The following DCLK1 variants were observed in gnomAD, a reference collection of about 807,000 sequenced individuals.
DCLK1 encodes the protein doublecortin like kinase 1, also known as serine/threonine-protein kinase DCLK1.
In DCLK1, 16 loss-of-function variants were observed where a neutral mutation model predicts 86.2. The observed-to-expected ratio is 0.19, with a 90% CI of 0.13 to 0.28. The LOEUF (loss-of-function observed/expected upper bound fraction) is 0.28, where lower values mean the gene tolerates loss of function less well. DCLK1 is among the 10% of genes least tolerant of loss of function. The pLI is 1.00. For missense variants in DCLK1, 590 were observed against 940.2 expected (o/e 0.63, Z 4.87); for synonymous variants, 369 against 370.5 (o/e 1.00, Z 0.05).
At chr13:36,000,075 C>T (rs1180031637) in intron 3 of DCLK1, among the ~76,000 whole-genome samples, 1 of 152,158 alleles carries the variant, frequency 6.6e-6, no homozygotes, top group Non-Finnish European at 1.5e-5. Context: ...CCCCACTTCA[C>T]CCCTAACCTT....
chr13:35,979,779 T>C (rs1879542839), intron 3 of DCLK1, among the ~76,000 whole-genome samples: 1 of 152,152 alleles, frequency 6.6e-6, no homozygotes, highest in African/African-American at 2.4e-5. Flanking sequence ...AAAATGACCT[T>C]TGTCTCCGCA....
chr13:35,927,991 C>T (rs1223787367), intron 4 of DCLK1, among the ~76,000 whole-genome samples: 3 of 152,202 alleles, frequency 2.0e-5, no homozygotes, highest in African/African-American at 7.2e-5. Flanking sequence ...ACTTATGGGC[C>T]TCTCCCAGAC....
intron 3 of DCLK1, among the ~76,000 whole-genome samples, chr13:36,026,399 G>T (rs762585395): frequency 9.2e-5 from 14 of 152,114 alleles, no homozygotes; most frequent in Non-Finnish European, 1.8e-4. Flanking sequence ...TCAACAATTT[G>T]AGACAAATAA....
At chr13:35,948,187 A>G (rs1048738096) in intron 3 of DCLK1, among the ~76,000 whole-genome samples, 1 of 152,276 alleles carries the variant, frequency 6.6e-6, no homozygotes, top group Non-Finnish European at 1.5e-5. Context: ...TGTGATCAAA[A>G]TGAATAATTT....
In DCLK1 at chr13:35,957,744, C is replaced by T. The variant is rs148728249; in HGVS notation, c.724-10287G>A. Among the ~76,000 whole-genome samples the T allele has an allele frequency of 2.6e-3, 400 of 152,194 alleles. 2 individuals are homozygous for T. The highest frequency in any genetic ancestry group is 9.4e-3 in the African/African-American group (392 of 41,510). On this transcript the variant is annotated intron_variant, in intron 3 of 16. Transcript: ENST00000360631. ...TAACGTTAAAGTATTGAGTCTGTTG[C>T]TTTAAATATTTTTATTTCTTGTTTG...
At chr13:36,103,098 T>A (rs1036614294) in intron 3 of DCLK1, among the ~76,000 whole-genome samples, 13 of 152,254 alleles carry the variant, frequency 8.5e-5, no homozygotes, top group African/African-American at 3.1e-4. Flanking sequence ...TTTGTTTGTT[T>A]GTTTTTAAAG....
chr13:35,839,386 G>A (rs533944905), intron 6 of DCLK1, among the ~76,000 whole-genome samples: 166 of 152,224 alleles, frequency 1.1e-3, no homozygotes, highest in Non-Finnish European at 1.3e-3. Flanking sequence ...GTGATAACAG[G>A]ATCAAGCTGG....
chr13:35,884,700 T>G (rs1873122027), intron 4 of DCLK1, among the ~76,000 whole-genome samples: 1 of 152,102 alleles, frequency 6.6e-6, no homozygotes, highest in South Asian at 2.1e-4. Flanking sequence ...CTCAACCTAC[T>G]CTAGCACATG....
intron 3 of DCLK1, among the ~76,000 whole-genome samples, chr13:36,037,607 C>T (rs1237538303): frequency 3.9e-5 from 6 of 151,964 alleles, no homozygotes; most frequent in Admixed American, 2.6e-4. Flanking sequence ...CCTCAGTCTC[C>T]CAAGTACCTG....
intron 3 of DCLK1, among the ~76,000 whole-genome samples, chr13:36,007,554 A>C (rs1881034242): frequency 6.6e-6 from 1 of 152,204 alleles, no homozygotes; most frequent in South Asian, 2.1e-4. Flanking sequence ...AATAGTCTTA[A>C]AGAAGAGCAA....
intron 4 of DCLK1, among the ~76,000 whole-genome samples, chr13:35,882,815 T>C (rs1300483917): frequency 2.0e-5 from 3 of 152,210 alleles, no homozygotes; most frequent in Non-Finnish European, 4.4e-5. Flanking sequence ...CGGGATACTG[T>C]AGTGTATCAG....
chr13:35,965,222 A>G lies in DCLK1; in HGVS notation c.724-17765T>C, dbSNP rs73178263. Among the ~76,000 whole-genome samples the G allele has an allele frequency of 3.0e-3, 461 of 152,322 alleles. 5 individuals carry two copies. Among genetic ancestry groups the G allele is most frequent in the Non-Finnish European group, 5.3e-3 (359 of 68,034 alleles). ...CAATAATTTTAGAAATAAGTACAAC[A>G]CACATAGCCATCTTTCAGTAGAAAA... On this transcript the variant is annotated intron_variant, in intron 3 of 16. Coordinates refer to ENST00000360631, the MANE Select transcript of DCLK1 (RefSeq NM_001330071.2).
At chr13:35,916,585 T>C (rs541049671) in intron 4 of DCLK1, among the ~76,000 whole-genome samples, 2 of 152,280 alleles carry the variant, frequency 1.3e-5, no homozygotes, top group East Asian at 3.9e-4. Flanking sequence ...CTCTTTCTTT[T>C]CTTCACTTAT....
chr13:36,044,440 C>A (rs1006216641), intron 3 of DCLK1, among the ~76,000 whole-genome samples: 7 of 152,102 alleles, frequency 4.6e-5, no homozygotes, highest in African/African-American at 1.4e-4. Context: ...TCAACCCTAC[C>A]TAATGCATAG....
At chr13:35,946,443 T>A (rs1365020211) in intron 4 of DCLK1, among the ~76,000 whole-genome samples, 3 of 151,328 alleles carry the variant, frequency 2.0e-5, no homozygotes, top group Non-Finnish European at 4.4e-5. Flanking sequence ...GTAGAACAGG[T>A]GAAAGTCAAG....
chr13:35,875,275 G>A (rs1163630232), intron 4 of DCLK1, among the ~76,000 whole-genome samples: 3 of 152,204 alleles, frequency 2.0e-5, no homozygotes, highest in Non-Finnish European at 1.5e-5. Flanking sequence ...TTAAAACAAT[G>A]ATTTTAAAAG....
At chr13:35,895,493 T>A (rs532097110) in intron 4 of DCLK1, among the ~76,000 whole-genome samples, 335 of 152,314 alleles carry the variant, frequency 2.2e-3, no homozygotes, top group African/African-American at 7.7e-3. Flanking sequence ...ATTGTATCTA[T>A]TTTAAAGTGC....
intron 3 of DCLK1, among the ~76,000 whole-genome samples, chr13:35,953,152 C>G (rs558619086): frequency 4.6e-5 from 7 of 152,280 alleles, no homozygotes; most frequent in African/African-American, 1.7e-4. Flanking sequence ...AACACTGAAT[C>G]CTTTCAACTC....
chr13:35,840,796 G>A (rs1401529978), intron 6 of DCLK1, among the ~76,000 whole-genome samples: 1 of 152,194 alleles, frequency 6.6e-6, no homozygotes, highest in Non-Finnish European at 1.5e-5. Flanking sequence ...TATAAATGTA[G>A]GAGCTTCTAA....
Sources: gnomAD v4.1 joint callset for allele counts (sites outside exome capture counted in the v4.1 genomes callset) on GRCh38, gnomAD v4.1.1 for gene constraint, MANE v1.5 for transcripts, NCBI Gene and HGNC (gene_info 2026-07-23, HGNC 2026-07-21) for gene names.